Variants in ATP2C2 observed in about 807,000 individuals in gnomAD.
ATP2C2 encodes the protein ATPase secretory pathway Ca2+ transporting 2.
Under a neutral mutation model 110.8 loss-of-function variants are expected in ATP2C2, and 171 were observed. That is an observed-to-expected ratio of 1.54 (90% confidence interval 1.36 to 1.75). The LOEUF is 1.75. Among genes scored for constraint, ATP2C2 ranks in the 40% most tolerant of loss-of-function variants. The pLI is 0.00. For missense variants in ATP2C2, 1,963 were observed against 1,235.0 expected, an observed-to-expected ratio of 1.59 and a Z score of -8.84; for synonymous variants, 804 against 508.4, an observed-to-expected ratio of 1.58 and a Z score of -7.82.
At chr16:84,459,834 A>G (rs1911096822) in intron 23 of ATP2C2, 1 of 436,084 alleles carries the variant, frequency 2.3e-6, no homozygotes, top group Non-Finnish European at 4.2e-6. Context: ...AGTTTCATGG[A>G]GGCGGAGTTT....
intron 6 of ATP2C2, among the ~76,000 whole-genome samples, chr16:84,414,232 T>G (rs1248670941): frequency 2.0e-5 from 3 of 152,118 alleles, no homozygotes; most frequent in Non-Finnish European, 2.9e-5. Context: ...AAAGTCCAGT[T>G]GCACAAACGC....
Position 84,415,529 on chromosome 16 carries a change from C to T in ATP2C2, c.562C>T (p.Pro188Ser), listed in dbSNP as rs771913574. The T allele has an allele frequency of 1.2e-5, 19 of 1,614,018 alleles. No homozygotes were observed. The South Asian group carries it at 1.9e-4, about 16-fold the overall frequency. The change falls in exon 7 of 27, where the codon CCT (proline) becomes TCT (serine). Residue 188 changes from proline to serine, a missense_variant. Physicochemically the swap from Pro to Ser is moderately conservative, Grantham distance 74 (BLOSUM62 -1). Transcript: ENST00000262429. ...GCACCTGCTTGCTCGAGAACTGGTT[C>T]CTGGTGATGTCGTATCTCTCTCGAT... ...LQHLLARELV[P>S]GDVVSLSIGD...
intron 17 of ATP2C2, among the ~76,000 whole-genome samples, chr16:84,450,902 T>G (rs949265201): frequency 2.6e-5 from 4 of 151,986 alleles, no homozygotes; most frequent in African/African-American, 9.7e-5. Flanking sequence ...GCAAGAACTG[T>G]TAGAAACGTC....
chr16:84,438,095 G>T (rs1397715201), intron 11 of ATP2C2, among the ~76,000 whole-genome samples: 1 of 152,182 alleles, frequency 6.6e-6, no homozygotes, highest in Non-Finnish European at 1.5e-5. Flanking sequence ...CTGCTGTATA[G>T]ATAGACCACA....
At chr16:84,369,277 G>T (rs939484402) in intron 1 of ATP2C2, among the ~76,000 whole-genome samples, 1 of 152,196 alleles carries the variant, frequency 6.6e-6, no homozygotes, top group Non-Finnish European at 1.5e-5. Context: ...GGATAAAGCA[G>T]CAGGGTGCCA....
In ATP2C2 at chr16:84,410,723, C is replaced by G. The variant is rs760700737; in HGVS notation, c.473C>G (p.Ser158Cys). 23 of 1,614,184 alleles carry G rather than the reference C, an allele frequency of 1.4e-5. No individual in the cohort carries two copies. The South Asian group carries it at 2.3e-4, about 16-fold the overall frequency. Reference sequence around the variant, plus strand: ...TGCCAGGAGTACAGGTCGGAGAAATCTCTGGAAGAGCTGACCAAGCTGGTT... The same window carrying G: ...TGCCAGGAGTACAGGTCGGAGAAATGTCTGGAAGAGCTGACCAAGCTGGTT... ...AFIQEYRSEK[S>C]LEELTKLVPP... Residue 158 changes from serine to cysteine, a missense_variant, in exon 6 of 27, where the codon TCT becomes TGT. By Grantham distance (112) the Ser-to-Cys change is moderately radical (BLOSUM62 -1). Transcript: ENST00000262429.
intron 1 of ATP2C2, among the ~76,000 whole-genome samples, chr16:84,374,769 C>T (rs1482812467): frequency 6.6e-6 from 1 of 152,172 alleles, no homozygotes; most frequent in Non-Finnish European, 1.5e-5. Context: ...ACACAGGCAG[C>T]TGCTATATCT....
intron 2 of ATP2C2, 58 bp from the exon 3 acceptor site, chr16:84,405,068 CCT>C (rs749079484): frequency 7.2e-7 from 1 of 1,386,420 alleles, no homozygotes; most frequent in Non-Finnish European, 1.0e-6. Context: ...GAGTCTGTAC[CCT>C]GTTGCCTCAT....
chr16:84,415,163 C>T (rs550546483), intron 6 of ATP2C2, among the ~76,000 whole-genome samples: 10 of 152,186 alleles, frequency 6.6e-5, no homozygotes, highest in African/African-American at 1.9e-4. Context: ...AAAACTCTGC[C>T]GGCTGCATTT....
At chr16:84,381,684 T>G (rs1429216305) in intron 1 of ATP2C2, among the ~76,000 whole-genome samples, 1 of 152,246 alleles carries the variant, frequency 6.6e-6, no homozygotes, top group Non-Finnish European at 1.5e-5. Context: ...GCTTCCATAT[T>G]CCTGCAGTGT....
intron 2 of ATP2C2, among the ~76,000 whole-genome samples, chr16:84,400,537 C>T (rs987174541): frequency 6.6e-6 from 1 of 152,138 alleles, no homozygotes; most frequent in Non-Finnish European, 1.5e-5. Flanking sequence ...CCGTGTTAGC[C>T]AGGATGGTCT....
At position 84,461,963 on chromosome 16, in the gene ATP2C2, C is replaced by T. The variant is rs770121182; in HGVS notation, c.2581-25C>T. ...ACCTGGGGTGTGGACAGCACACAAT[C>T]CCCCGTGTGACCTTCTCCCTGCAGA... is the stretch of plus-strand genomic sequence containing the variant. On this transcript the variant is annotated intron_variant, in intron 25 of 26. Coordinates refer to ENST00000262429, the MANE Select transcript of ATP2C2 (RefSeq NM_014861.4). 4 of 1,610,924 alleles carry T rather than the reference C, an allele frequency of 2.5e-6. No homozygotes were observed. The African/African-American group carries it at 5.3e-5, about 22-fold the overall frequency.
intron 1 of ATP2C2, 117 bp from the exon 2 acceptor site, chr16:84,398,382 G>A (rs1905117892): frequency 6.1e-6 from 3 of 495,376 alleles, no homozygotes. Flanking sequence ...CTCCAGCCTG[G>A]GTGACAGAGT....
intron 20 of ATP2C2, among the ~76,000 whole-genome samples, chr16:84,453,715 C>G (rs1402846380): frequency 6.6e-6 from 1 of 152,144 alleles, no homozygotes; most frequent in Non-Finnish European, 1.5e-5. Flanking sequence ...CGAGCCCCAC[C>G]AAACCTGGGG....
intron 26 of ATP2C2, chr16:84,462,409 T>G: frequency 2.8e-6 from 1 of 356,022 alleles, no homozygotes; most frequent in Admixed American, 3.9e-5. Flanking sequence ...GGCTGGAGGC[T>G]CAGAGCACGT....
Position 84,463,333 on chromosome 16 carries a change from T to C in ATP2C2, c.2723-281T>C, listed in dbSNP as rs557151434. On this transcript the variant is annotated intron_variant, in intron 26 of 26. Coordinates refer to ENST00000262429, the MANE Select transcript of ATP2C2 (RefSeq NM_014861.4). ...GCTGCTGTAGGGAAAGGAAACTCATTCCCCTTCCAGCCCGAGTCCATAACA... is the reference window on the plus strand; with the variant it reads ...GCTGCTGTAGGGAAAGGAAACTCATCCCCCTTCCAGCCCGAGTCCATAACA... Among the ~76,000 whole-genome samples, 68 of 152,018 alleles carry C rather than the reference T, an allele frequency of 4.5e-4. No homozygotes were observed. The South Asian group carries it at 0.013, about 29-fold the overall frequency.
chr16:84,453,929 C>T (rs750891522), intron 20 of ATP2C2, among the ~76,000 whole-genome samples: 1 of 152,110 alleles, frequency 6.6e-6, no homozygotes. Context: ...CAACCTCTGC[C>T]TCCCAGGGTT....
chr16:84,407,127 T>G (rs1905846507), intron 3 of ATP2C2: 1 of 152,192 alleles, frequency 6.6e-6, no homozygotes, highest in South Asian at 2.1e-4. Flanking sequence ...TATTAATTCC[T>G]TACATGTGTT....
chr16:84,421,440 C>G (rs546872437), intron 7 of ATP2C2, among the ~76,000 whole-genome samples: 1 of 152,088 alleles, frequency 6.6e-6, no homozygotes, highest in Non-Finnish European at 1.5e-5. Context: ...ATAGAGAAGT[C>G]GCAGGTCCCT....
Sources: allele counts gnomAD v4.1 joint callset (sites outside exome capture counted in the v4.1 genomes callset), GRCh38; gene constraint gnomAD v4.1.1; transcripts MANE v1.5; gene names NCBI Gene and HGNC (gene_info 2026-07-23, HGNC 2026-07-21).